The following CATSPERB variants were observed in gnomAD, a reference collection of about 807,000 sequenced individuals.
CATSPERB encodes the protein catsper channel auxiliary subunit beta.
A neutral mutation model predicts 128.3 loss-of-function variants in CATSPERB; 93 were observed. The observed-to-expected ratio is 0.72, with a 90% CI of 0.61 to 0.86. CATSPERB has a LOEUF of 0.86. Among genes scored for constraint, CATSPERB ranks in the 40% least tolerant of loss-of-function variants. CATSPERB has a pLI of 0.00. For missense variants in CATSPERB, 1,153 were observed against 1,329.5 expected, an observed-to-expected ratio of 0.87 and a Z score of 2.06; for synonymous variants, 381 against 448.8, an observed-to-expected ratio of 0.85 and a Z score of 1.91.
In CATSPERB at chr14:91,668,242, G is replaced by C. The variant is rs576306463; in HGVS notation, c.1287+1572C>G. On this transcript the variant is annotated intron_variant, in intron 14 of 26. Transcript: ENST00000256343. ...CTTGGAGAACTTTTCTGTCTAGCTA[G>C]AAAACTAGATTGTAAACACACCAAT... is the stretch of plus-strand genomic sequence containing the variant. 7.0e-4 allele frequency among the ~76,000 whole-genome samples: 86 copies of C among 123,438 alleles called. No individual in the cohort carries two copies. In the East Asian group the frequency reaches 0.012, roughly 17 times the overall value. 81.0% of individuals were successfully genotyped at this position (123,438 alleles called of 152,430 possible). A position where few individuals can be genotyped will look rare whatever the true frequency, so the allele number is the denominator to read the frequency against.
At chr14:91,604,732 C>G in intron 22 of CATSPERB, 2 of 1,613,842 alleles carry the variant, frequency 1.2e-6, no homozygotes, top group Non-Finnish European at 1.7e-6. Context: ...TCTGGTTGCT[C>G]CACATTGGAA....
At chr14:91,730,702 A>G (rs906526884) in intron 1 of CATSPERB, among the ~76,000 whole-genome samples, 1 of 152,206 alleles carries the variant, frequency 6.6e-6, no homozygotes, top group African/African-American at 2.4e-5. Context: ...GCCAACTCTA[A>G]GTGGAATAAA....
At chr14:91,705,739 T>G (rs1895722425) in intron 6 of CATSPERB, among the ~76,000 whole-genome samples, 1 of 152,202 alleles carries the variant, frequency 6.6e-6, no homozygotes, top group Non-Finnish European at 1.5e-5. Flanking sequence ...TCCTCCCAGG[T>G]GCTCCAATAG....
Position 91,607,243 on chromosome 14 carries a change from GAAATA to G in CATSPERB, c.2709+1046_2709+1050del. On this transcript the variant is annotated intron_variant, in intron 22 of 26. Coordinates refer to ENST00000256343, the MANE Select transcript of CATSPERB (RefSeq NM_024764.4). ...CCTTCTCATGGGGTCAGAAAGACAA[GAAATA>G]AAATAAGTGAGTAAAATAGGTAAAA... Among the ~76,000 whole-genome samples the G allele has an allele frequency of 2.0e-5, 3 of 152,234 alleles. No homozygotes were observed. The South Asian group carries it at 6.2e-4, about 32-fold the overall frequency.
At chr14:91,701,791 GT>G (rs1286424122) in intron 7 of CATSPERB, among the ~76,000 whole-genome samples, 1 of 151,874 alleles carries the variant, frequency 6.6e-6, no homozygotes, top group African/African-American at 2.4e-5. Flanking sequence ...TGTACCTGTA[GT>G]CCCAGCTATG....
rs768274308 is a variant in CATSPERB at position 91,587,183 on chromosome 14, C to A, written c.3132+19G>T. 1.3e-6 allele frequency: 2 copies of A among 1,575,390 alleles called. No homozygotes were observed. The highest frequency in any genetic ancestry group is 1.7e-6 in the Non-Finnish European group (2 of 1,157,292). On this transcript the variant is annotated intron_variant, in intron 26 of 26. Coordinates refer to ENST00000256343, the MANE Select transcript of CATSPERB (RefSeq NM_024764.4). The stretch of plus-strand genomic sequence containing the variant: ...TTCCCCAGCCATCACCCCTCTGATG[C>A]CAAGTGCATCCATTTTACCTGAAAT...
intron 15 of CATSPERB, among the ~76,000 whole-genome samples, chr14:91,652,704 A>AAAAAAAT: frequency 7.8e-6 from 1 of 128,822 alleles, no homozygotes; most frequent in Non-Finnish European, 1.7e-5. Context: ...AAAAAAAAAA[A>AAAAAAAT]AGAAATGCAG....
chr14:91,632,937 GT>G (rs1282581586), intron 17 of CATSPERB, among the ~76,000 whole-genome samples: 1 of 152,142 alleles, frequency 6.6e-6, no homozygotes, highest in Non-Finnish European at 1.5e-5. Context: ...GAAGGACATT[GT>G]TTTTATTACT....
chr14:91,610,511 C>T lies in CATSPERB; in HGVS notation c.2567G>A (p.Ser856Asn). 6.2e-7 allele frequency: 1 copy of T among 1,613,690 alleles called. No individual in the cohort carries two copies. The highest frequency in any genetic ancestry group is 8.5e-7 in the Non-Finnish European group (1 of 1,179,970). The change falls in exon 21 of 27, where the codon AGT becomes AAT. Residue 856 changes from serine (S) to asparagine (N), a missense_variant. Transcript: ENST00000256343. ...AGTTTTGATGAGGTTAAAACCCTGA[C>T]TGTCTTTATGAACTCCACTAATCCA... ...EDWISGVHKD[S>N]QGFNLIKTLP...
chr14:91,651,801 GA>G (rs1377281605), intron 15 of CATSPERB, among the ~76,000 whole-genome samples: 1 of 152,150 alleles, frequency 6.6e-6, no homozygotes, highest in African/African-American at 2.4e-5. Context: ...GGGGTGGCAT[GA>G]CTTCTATGGA....
intron 17 of CATSPERB, among the ~76,000 whole-genome samples, chr14:91,633,653 T>A (rs1858155815): frequency 6.6e-6 from 1 of 152,022 alleles, no homozygotes; most frequent in South Asian, 2.1e-4. Flanking sequence ...ATCCACAATA[T>A]AATTTACAAC....
chr14:91,674,871 A>T (rs1160444177), intron 11 of CATSPERB, among the ~76,000 whole-genome samples: 1 of 152,196 alleles, frequency 6.6e-6, no homozygotes, highest in East Asian at 1.9e-4. Context: ...CAGGACACAC[A>T]GACCTTGCAC....
chr14:91,716,017 A>G (rs1895931422), intron 5 of CATSPERB, among the ~76,000 whole-genome samples: 1 of 152,220 alleles, frequency 6.6e-6, no homozygotes, highest in South Asian at 2.1e-4. Context: ...AACTTAGGCA[A>G]AGATTTCTTA....
In CATSPERB at chr14:91,672,954, A is replaced by C; in HGVS notation, c.1041T>G (p.Ile347Met). ...FLEWVPCLPH[I>M]FKGIKIFPTV... is the part of the protein sequence containing the mutation. ...TTGGAAAAATTTTTATTCCTTTAAA[A>C]ATGTGAGGTAAGCAGGGTACCCATT... Residue 347 changes from isoleucine to methionine, a missense_variant, in exon 13 of 27, where the codon ATT becomes ATG. Physicochemically the swap from Ile to Met is conservative, Grantham distance 10 (BLOSUM62 1). Transcript: ENST00000256343. 6.2e-7 allele frequency: 1 copy of C among 1,603,594 alleles called. No homozygotes were observed. Among genetic ancestry groups the C allele is most frequent in the Non-Finnish European group, 8.5e-7 (1 of 1,177,738 alleles).
At chr14:91,728,329 G>A (rs1896153986) in intron 2 of CATSPERB, among the ~76,000 whole-genome samples, 1 of 152,072 alleles carries the variant, frequency 6.6e-6, no homozygotes, top group African/African-American at 2.4e-5. Flanking sequence ...TGCCCAGGCT[G>A]GTCTCCAACT....
intron 10 of CATSPERB, among the ~76,000 whole-genome samples, chr14:91,689,969 G>A (rs1325258904): frequency 6.6e-6 from 1 of 151,982 alleles, no homozygotes; most frequent in Admixed American, 6.6e-5. Flanking sequence ...AACACAAAAT[G>A]TATAACTTAT....
At chr14:91,671,692 G>T (rs2139830742) in intron 13 of CATSPERB, among the ~76,000 whole-genome samples, 1 of 151,592 alleles carries the variant, frequency 6.6e-6, no homozygotes, top group South Asian at 2.1e-4. Context: ...AAAGCAATTT[G>T]TTTTTCCATA....
chr14:91,702,013 C>T (rs1895659703), intron 7 of CATSPERB, among the ~76,000 whole-genome samples: 1 of 152,088 alleles, frequency 6.6e-6, no homozygotes, highest in Admixed American at 6.5e-5. Context: ...GGAAAAGGTG[C>T]TTTCACCTAA....
chr14:91,640,204 T>C (rs1003845732), intron 15 of CATSPERB, among the ~76,000 whole-genome samples: 1 of 151,956 alleles, frequency 6.6e-6, no homozygotes, highest in African/African-American at 2.4e-5. Context: ...GCTGCATTAT[T>C]GCTGTTGCTT....
Sources: gnomAD v4.1 joint callset for allele counts (sites outside exome capture counted in the v4.1 genomes callset) on GRCh38, gnomAD v4.1.1 for gene constraint, MANE v1.5 for transcripts, NCBI Gene and HGNC (gene_info 2026-07-23, HGNC 2026-07-21) for gene names.